ZDHHC7: variants seen among roughly 807,000 people sequenced by gnomAD.
ZDHHC7 encodes zDHHC palmitoyltransferase 7.
ZDHHC7 carries 12 observed loss-of-function variants against 34.1 expected under a neutral mutation model. That is an observed-to-expected ratio of 0.35 (90% CI 0.23 to 0.57). The LOEUF (loss-of-function observed/expected upper bound fraction) is 0.57. ZDHHC7 is among the 20% of genes least tolerant of loss of function. The probability of loss-of-function intolerance (pLI) is 0.84; values close to 1 mark genes in which losing one functional copy is unlikely to be tolerated. For synonymous variants in ZDHHC7, 185 were observed against 155.4 expected (o/e 1.19, Z -1.42); for missense variants, 388 against 402.7 (o/e 0.96, Z 0.31).
upstream of ZDHHC7, among the ~76,000 whole-genome samples, chr16:85,012,613 C>T (rs561046465): frequency 6.6e-6 from 1 of 151,688 alleles, no homozygotes; most frequent in South Asian, 2.1e-4. Context: ...CTAAAGAAAA[C>T]CAGAATAAGG....
intron 3 of ZDHHC7, 106 bp downstream of exon 3, chr16:84,990,198 C>A (rs933582368): frequency 2.3e-6 from 3 of 1,312,230 alleles, no homozygotes; most frequent in Non-Finnish European, 3.2e-6. Flanking sequence ...TGTTCCACAC[C>A]CATGTCAATA....
chr16:84,990,195 CA>C (rs2072489715), intron 3 of ZDHHC7, 108 bp downstream of exon 3: 1 of 1,296,792 alleles, frequency 7.7e-7, no homozygotes, highest in African/African-American at 1.5e-5. Context: ...TCTTGTTCCA[CA>C]CCCATGTCAA....
intron 1 of ZDHHC7, among the ~76,000 whole-genome samples, chr16:85,003,558 T>G (rs1031252365): frequency 6.6e-6 from 1 of 152,118 alleles, no homozygotes; most frequent in South Asian, 2.1e-4. Flanking sequence ...ACCATGATTT[T>G]CTACTCAAAT....
At chr16:85,013,720 G>A (rs537152802), upstream of ZDHHC7, among the ~76,000 whole-genome samples, 2 of 151,898 alleles carry the variant, frequency 1.3e-5, no homozygotes, top group East Asian at 3.9e-4. Context: ...ATAGACTCTC[G>A]CACTGTTTCC....
chr16:84,986,083 T>G (rs998826106), intron 3 of ZDHHC7, among the ~76,000 whole-genome samples: 64 of 152,068 alleles, frequency 4.2e-4, no homozygotes, highest in African/African-American at 1.5e-3. Flanking sequence ...AAAGAGCCCT[T>G]TTAAAAGATA....
chr16:85,011,857 T>A (rs949917361), upstream of ZDHHC7, among the ~76,000 whole-genome samples: 4 of 152,150 alleles, frequency 2.6e-5, no homozygotes, highest in Non-Finnish European at 5.9e-5. Flanking sequence ...TCCAGTGGCC[T>A]GTACTATATG....
At chr16:84,992,455 G>C (rs576628647) in intron 2 of ZDHHC7, among the ~76,000 whole-genome samples, 1 of 152,318 alleles carries the variant, frequency 6.6e-6, no homozygotes, top group South Asian at 2.1e-4. Flanking sequence ...CCTAGTGACA[G>C]AGTGACACTC....
chr16:85,025,084 C>G, the ZDHHC7 span, among the ~76,000 whole-genome samples: 2 of 152,068 alleles, frequency 1.3e-5, no homozygotes, highest in Non-Finnish European at 2.9e-5. Context: ...CGAGACCAGC[C>G]TGGCCAACAT....
chr16:84,980,007 T>G (rs1245974958), intron 4 of ZDHHC7, among the ~76,000 whole-genome samples: 1 of 135,906 alleles, frequency 7.4e-6, no homozygotes, highest in Non-Finnish European at 1.5e-5. Flanking sequence ...CAGGCTGGAG[T>G]GCAGTGGCGC....
Position 84,976,209 on chromosome 16 carries a change from T to G in ZDHHC7, c.*134A>C. 8.9e-7 allele frequency: 1 copy of G among 1,126,012 alleles called. No individual in the cohort carries two copies. The highest frequency in any genetic ancestry group is 1.3e-6 in the Non-Finnish European group (1 of 783,432). The allele number at this position is 1,126,012 out of a possible 1,614,324, so 69.8% of individuals were successfully genotyped here. On this transcript the variant is annotated 3_prime_UTR_variant, in exon 8 of 8. Coordinates refer to ENST00000313732, the MANE Select transcript of ZDHHC7 (RefSeq NM_017740.3). ...ATCTGTGACTATAAATATATAAAAC[T>G]CTGCTTGCTGCAAGCAATTGGTTTG...
chr16:85,012,114 G>T (rs1339767597), upstream of ZDHHC7, among the ~76,000 whole-genome samples: 4 of 152,272 alleles, frequency 2.6e-5, no homozygotes, highest in South Asian at 6.2e-4. Context: ...GGGCGCGGTG[G>T]CTCACGCCTG....
the ZDHHC7 span, among the ~76,000 whole-genome samples, chr16:85,017,210 T>C: frequency 6.6e-6 from 1 of 152,186 alleles, no homozygotes; most frequent in Non-Finnish European, 1.5e-5. Flanking sequence ...AATAGAATAA[T>C]TGGCAAAACA....
intron 3 of ZDHHC7, among the ~76,000 whole-genome samples, chr16:84,984,881 C>A (rs374265792): frequency 6.6e-6 from 1 of 152,194 alleles, no homozygotes; most frequent in East Asian, 1.9e-4. Flanking sequence ...GGGGTGTGCA[C>A]GGCTGCACCA....
In ZDHHC7 at chr16:84,975,912, T is replaced by A. The variant is rs2072290612; in HGVS notation, c.*431A>T. 5.5e-6 allele frequency: 1 copy of A among 183,386 alleles called. No homozygotes were observed. The highest frequency in any genetic ancestry group is 2.4e-5 in the African/African-American group (1 of 41,680). The allele number at this position is 183,386 out of a possible 1,614,324, so 11.4% of individuals were successfully genotyped here. A position where few individuals can be genotyped will look rare whatever the true frequency, so the allele number is the denominator to read the frequency against. ...ACGTCTTTCTATGTAAACGCCCTGC[T>A]GTGATCCGGGGAGTGCACTGCTGAG... On this transcript the variant is annotated 3_prime_UTR_variant, in exon 8 of 8. Transcript: ENST00000313732.
chr16:85,013,683 GT>G (rs935274036), upstream of ZDHHC7, among the ~76,000 whole-genome samples: 1 of 151,504 alleles, frequency 6.6e-6, no homozygotes, highest in Admixed American at 6.6e-5. Flanking sequence ...ATTAATTTGT[GT>G]TTTTTTGTTT....
At chr16:85,000,403 C>A (rs2072638410) in intron 1 of ZDHHC7, among the ~76,000 whole-genome samples, 2 of 152,052 alleles carry the variant, frequency 1.3e-5, no homozygotes, top group African/African-American at 4.8e-5. Context: ...TTACTTTTTT[C>A]CTTGGCTATA....
At chr16:85,005,855 G>C (rs1386091997) in intron 1 of ZDHHC7, among the ~76,000 whole-genome samples, 4 of 152,134 alleles carry the variant, frequency 2.6e-5, no homozygotes, top group Non-Finnish European at 5.9e-5. Context: ...CATGCAACCA[G>C]GATTGATTCA....
intron 5 of ZDHHC7, 86 bp from the exon 6 acceptor site, chr16:84,978,091 G>A: frequency 9.2e-7 from 1 of 1,092,592 alleles, no homozygotes; most frequent in Non-Finnish European, 1.3e-6. Context: ...AGGCTGGAAT[G>A]CAGCGGCGTA....
At chr16:84,977,381 G>T in intron 6 of ZDHHC7, 156 bp from the exon 7 acceptor site, 2 of 906,090 alleles carry the variant, frequency 2.2e-6, no homozygotes, top group Non-Finnish European at 3.3e-6. Context: ...TCTCCAAGGA[G>T]CAGAGGAGGG....
Sources: gnomAD v4.1 joint callset for allele counts (sites outside exome capture counted in the v4.1 genomes callset) on GRCh38, gnomAD v4.1.1 for gene constraint, MANE v1.5 for transcripts, NCBI Gene and HGNC (gene_info 2026-07-23, HGNC 2026-07-21) for gene names.